ABCC2: variants seen among roughly 807,000 people sequenced by gnomAD.
ABCC2 encodes ATP binding cassette subfamily C member 2, also known as ATP-binding cassette sub-family C member 2.
In ABCC2, 157 loss-of-function variants were observed where a neutral mutation model predicts 173.4. That is an observed-to-expected ratio of 0.91 (90% CI 0.80 to 1.03). The LOEUF (loss-of-function observed/expected upper bound fraction) is 1.03, where lower values mean the gene tolerates loss of function less well. Ranked by LOEUF, ABCC2 falls within the 50% of genes least tolerant of loss-of-function variation. The pLI is 0.00. For missense variants in ABCC2, 1,822 were observed against 1,852.3 expected, an observed-to-expected ratio of 0.98 and a Z score of 0.30; for synonymous variants, 657 against 693.5, an observed-to-expected ratio of 0.95 and a Z score of 0.83.
At chr10:99,835,808 C>T (rs1243857602) in intron 24 of ABCC2, among the ~76,000 whole-genome samples, 2 of 152,076 alleles carry the variant, frequency 1.3e-5, no homozygotes, top group African/African-American at 2.4e-5. Context: ...GTTAGGCTGA[C>T]GGAACTCCTT....
intron 19 of ABCC2, among the ~76,000 whole-genome samples, chr10:99,821,601 C>T (rs2038538878): frequency 6.6e-6 from 1 of 152,222 alleles, no homozygotes; most frequent in Non-Finnish European, 1.5e-5. Flanking sequence ...TAACAAAGCA[C>T]ATCTTGCACC....
intron 30 of ABCC2, among the ~76,000 whole-genome samples, chr10:99,848,213 C>T (rs1406419871): frequency 1.3e-5 from 2 of 152,172 alleles, no homozygotes; most frequent in African/African-American, 2.4e-5. Flanking sequence ...CTGTAAAATC[C>T]GTAGGCACTG....
At chr10:99,783,699 T>A (rs919186268) in intron 1 of ABCC2, among the ~76,000 whole-genome samples, 3 of 152,112 alleles carry the variant, frequency 2.0e-5, no homozygotes, top group African/African-American at 7.2e-5. Flanking sequence ...AGGGATGAGA[T>A]AGCAGAGCAC....
At chr10:99,811,355 CA>C (rs1564681305) in intron 14 of ABCC2, among the ~76,000 whole-genome samples, 180 bp from the exon 15 acceptor site, 2 of 151,842 alleles carry the variant, frequency 1.3e-5, no homozygotes, top group East Asian at 3.9e-4. Context: ...ACTTCATATG[CA>C]GGCCACTTCT....
intron 14 of ABCC2, among the ~76,000 whole-genome samples, chr10:99,811,204 G>A (rs1455825210): frequency 6.6e-6 from 1 of 151,922 alleles, no homozygotes; most frequent in African/African-American, 2.4e-5. Flanking sequence ...GGTGGTGCAT[G>A]CCTGTAGTCC....
intron 19 of ABCC2, among the ~76,000 whole-genome samples, chr10:99,826,381 T>C (rs908481558): frequency 6.6e-6 from 1 of 151,084 alleles, no homozygotes; most frequent in African/African-American, 2.4e-5. Context: ...TCATATGCCA[T>C]CAACTCCACT....
chr10:99,827,420 G>A (rs1036924602), intron 19 of ABCC2, among the ~76,000 whole-genome samples: 5 of 152,070 alleles, frequency 3.3e-5, no homozygotes, highest in Admixed American at 2.0e-4. Flanking sequence ...CTACATATTC[G>A]CAATGTAAAC....
intron 11 of ABCC2, among the ~76,000 whole-genome samples, chr10:99,805,871 T>C (rs2038090496): frequency 6.6e-6 from 1 of 152,196 alleles, no homozygotes; most frequent in Non-Finnish European, 1.5e-5. Context: ...AAAAGAAGGA[T>C]TTATTTTAAA....
At chr10:99,846,049 C>CTA (rs1475735180) in intron 29 of ABCC2, among the ~76,000 whole-genome samples, 1 of 152,204 alleles carries the variant, frequency 6.6e-6, no homozygotes, top group Admixed American at 6.5e-5. Flanking sequence ...TTTAGCGTTG[C>CTA]TATAGCCCAT....
intron 1 of ABCC2, among the ~76,000 whole-genome samples, chr10:99,783,473 TA>T (rs1239721806): frequency 2.0e-5 from 3 of 152,048 alleles, no homozygotes; most frequent in South Asian, 2.1e-4. Context: ...AATTTCAAGA[TA>T]GGGGCCAATC....
At chr10:99,812,970 C>T (rs1176756683) in intron 15 of ABCC2, 48 bp from the exon 16 acceptor site, 1 of 1,610,598 alleles carries the variant, frequency 6.2e-7, no homozygotes, top group Admixed American at 1.7e-5. Context: ...AACTACTCTT[C>T]AATACCCAAC....
chr10:99,851,672 T>G lies in ABCC2; in HGVS notation c.*41T>G. ...GTTAGAAAAGGACTATAAGAATAAT[T>G]TCTTATTTAATTTTATTTTTTATAA... On this transcript the variant is annotated 3_prime_UTR_variant, in exon 32 of 32. Coordinates refer to ENST00000647814, the MANE Select transcript of ABCC2 (RefSeq NM_000392.5). 6.4e-7 allele frequency: 1 copy of G among 1,563,538 alleles called. No individual in the cohort carries two copies. Among genetic ancestry groups the G allele is most frequent in the Non-Finnish European group, 8.7e-7 (1 of 1,145,734 alleles).
rs752474642 is a variant in ABCC2 at position 99,830,864 on chromosome 10, C to G, written c.2883+13C>G. On this transcript the variant is annotated intron_variant, in intron 21 of 31. Coordinates refer to ENST00000647814, the MANE Select transcript of ABCC2 (RefSeq NM_000392.5). ...AGAAACTGGAAAGGTGAACACCACA[C>G]AGAAAAGTAGCATTTGAGGTGTTAT... 1.2e-6 allele frequency: 2 copies of G among 1,613,558 alleles called. No homozygotes were observed. Among genetic ancestry groups the G allele is most frequent in the African/African-American group, 1.3e-5 (1 of 74,920 alleles).
chr10:99,783,335 G>A (rs1478438987), intron 1 of ABCC2, among the ~76,000 whole-genome samples: 3 of 152,268 alleles, frequency 2.0e-5, no homozygotes, highest in Admixed American at 2.0e-4. Context: ...GCAACTTTGG[G>A]CATCATGAGC....
intron 21 of ABCC2, 139 bp downstream of exon 21, chr10:99,830,990 T>A: frequency 1.1e-6 from 1 of 949,634 alleles, no homozygotes; most frequent in Non-Finnish European, 1.6e-6. Context: ...GACTCATTAT[T>A]AACCTGTTAG....
chr10:99,785,327 A>T (rs568800988), intron 2 of ABCC2, among the ~76,000 whole-genome samples: 3 of 152,244 alleles, frequency 2.0e-5, no homozygotes, highest in African/African-American at 7.2e-5. Context: ...TAGGGAAATA[A>T]TGGAAAGGAC....
At position 99,814,228 on chromosome 10, in the gene ABCC2, CATGT is replaced by C. The variant is rs1469503836; in HGVS notation, c.2094+1085_2094+1088del. ...ATACACACATGTGTATATATACACACATGTGTATATATGCACACACGTATGTATA... is the reference window on the plus strand; with the variant it reads ...ATACACACATGTGTATATATACACACGTATATATGCACACACGTATGTATA... On this transcript the variant is annotated intron_variant, in intron 16 of 31. Coordinates refer to ENST00000647814, the MANE Select transcript of ABCC2 (RefSeq NM_000392.5). Among the ~76,000 whole-genome samples the C allele has an allele frequency of 4.7e-3, 255 of 54,836 alleles. 15 individuals carry two copies. Among genetic ancestry groups the C allele is most frequent in the African/African-American group, 0.017 (217 of 12,554 alleles). The allele number at this position is 54,836 out of a possible 152,430, so 36.0% of individuals were successfully genotyped here. A position where few individuals can be genotyped will look rare whatever the true frequency, so the allele number is the denominator to read the frequency against.
chr10:99,825,574 T>C (rs1244194458), intron 19 of ABCC2, among the ~76,000 whole-genome samples: 1 of 152,230 alleles, frequency 6.6e-6, no homozygotes, highest in African/African-American at 2.4e-5. Flanking sequence ...GGAGTAATAA[T>C]TCAGCAATCC....
In ABCC2 at chr10:99,836,210, C is replaced by T. The variant is rs745472943; in HGVS notation, c.3534C>T (p.His1178=). ...SGLPVIRAFE[H]QQRFLKHNEV... is the part of the protein sequence containing the mutation. ...TGCCAGTTATCCGTGCCTTTGAGCA[C>T]CAGCAGCGATTTCTGAAACACAATG... The change falls in exon 25 of 32, where the codon CAC becomes CAT. Residue 1178 remains histidine, a synonymous_variant. Transcript: ENST00000647814. 3 of 1,614,084 alleles carry T rather than the reference C, an allele frequency of 1.9e-6. No homozygotes were observed. The highest frequency in any genetic ancestry group is 2.5e-6 in the Non-Finnish European group (3 of 1,180,056).
Sources: gnomAD v4.1 joint callset for allele counts (sites outside exome capture counted in the v4.1 genomes callset) on GRCh38, gnomAD v4.1.1 for gene constraint, MANE v1.5 for transcripts, NCBI Gene and HGNC (gene_info 2026-07-23, HGNC 2026-07-21) for gene names.